Variants in SBF2 observed in about 807,000 individuals in gnomAD.
SBF2 encodes myotubularin-related protein 13.
Under a neutral mutation model 225.2 loss-of-function variants are expected in SBF2, and 112 were observed. The observed-to-expected ratio is 0.50, with a 90% confidence interval of 0.43 to 0.58. SBF2 has a LOEUF of 0.58. Ranked by LOEUF, SBF2 falls within the 20% of genes least tolerant of loss-of-function variation. SBF2 has a pLI of 0.00. For synonymous variants in SBF2, 763 were observed against 773.3 expected, an observed-to-expected ratio of 0.99 and a Z score of 0.22; for missense variants, 1,996 against 2,206.2, an observed-to-expected ratio of 0.90 and a Z score of 1.91.
intron 16 of SBF2, among the ~76,000 whole-genome samples, chr11:9,949,196 C>T (rs1865724678): frequency 6.6e-6 from 1 of 152,018 alleles, no homozygotes; most frequent in African/African-American, 2.4e-5. Flanking sequence ...AAAATAAATG[C>T]TATTGATTTT....
intron 17 of SBF2, among the ~76,000 whole-genome samples, chr11:9,883,188 T>C (rs1410724204): frequency 6.6e-6 from 1 of 152,116 alleles, no homozygotes; most frequent in Non-Finnish European, 1.5e-5. Context: ...ATATCTGGAT[T>C]TTACAACCTG....
intron 16 of SBF2, chr11:9,958,180 G>A (rs1429182389): frequency 6.6e-6 from 1 of 152,064 alleles, no homozygotes. Context: ...GGAAGCAGTG[G>A]TTATGTTTCA....
At chr11:10,291,065 AAC>A (rs1964130567) in intron 1 of SBF2, among the ~76,000 whole-genome samples, 1 of 152,232 alleles carries the variant, frequency 6.6e-6, no homozygotes, top group Admixed American at 6.5e-5. Flanking sequence ...GTACCATAAG[AAC>A]ACAGAAGCCA....
At chr11:10,052,527 C>T (rs958109177) in intron 2 of SBF2, among the ~76,000 whole-genome samples, 7 of 152,130 alleles carry the variant, frequency 4.6e-5, no homozygotes, top group African/African-American at 1.7e-4. Context: ...AATTATACTT[C>T]AAGTTTGCAA....
At chr11:9,971,530 T>C (rs1176183527) in intron 13 of SBF2, among the ~76,000 whole-genome samples, 1 of 151,850 alleles carries the variant, frequency 6.6e-6, no homozygotes, top group Non-Finnish European at 1.5e-5. Flanking sequence ...AAATAAAAAA[T>C]TAGCCAGGCA....
At chr11:10,187,279 C>CCTCTCTCTCTCTCTCTCCT (rs1555069461) in intron 2 of SBF2, among the ~76,000 whole-genome samples, 2 of 150,026 alleles carry the variant, frequency 1.3e-5, no homozygotes, top group Non-Finnish European at 3.0e-5. Context: ...TCCTCTCTCT[C>CCTCTCTCTCTCTCTCTCCT]CTCTCTCTCT....
At chr11:9,971,290 AT>A (rs1449208899) in intron 13 of SBF2, among the ~76,000 whole-genome samples, 2 of 151,790 alleles carry the variant, frequency 1.3e-5, no homozygotes, top group Non-Finnish European at 2.9e-5. Flanking sequence ...TAACACCAGT[AT>A]TTTTTCTAGT....
chr11:9,900,979 C>T (rs971339473), intron 16 of SBF2, among the ~76,000 whole-genome samples: 1 of 152,130 alleles, frequency 6.6e-6, no homozygotes, highest in African/African-American at 2.4e-5. Flanking sequence ...CTTCCTTCTG[C>T]CTCCACCTCT....
intron 17 of SBF2, among the ~76,000 whole-genome samples, chr11:9,873,007 C>T (rs1301975981): frequency 2.0e-5 from 3 of 151,670 alleles, no homozygotes; most frequent in Non-Finnish European, 2.9e-5. Flanking sequence ...GAGATCGAGA[C>T]CTTCCTGGCT....
intron 2 of SBF2, among the ~76,000 whole-genome samples, chr11:10,124,895 A>C (rs960570787): frequency 2.8e-4 from 43 of 152,076 alleles, no homozygotes; most frequent in African/African-American, 1.0e-3. Context: ...ACCTGAGGTC[A>C]GGAGTTGGAG....
chr11:9,973,620 A>G (rs1319734537), intron 13 of SBF2, among the ~76,000 whole-genome samples: 1 of 152,206 alleles, frequency 6.6e-6, no homozygotes, highest in African/African-American at 2.4e-5. Flanking sequence ...TCAGACATGA[A>G]AAAGTGACAT....
At chr11:9,829,334 GA>G in intron 28 of SBF2, 21 bp downstream of exon 28, 1 of 1,613,368 alleles carries the variant, frequency 6.2e-7, no homozygotes, top group Non-Finnish European at 8.5e-7. Flanking sequence ...CTGTCAAGAA[GA>G]AAAGTATTAT....
chr11:9,989,718 A>G (rs1395016912), intron 12 of SBF2, 123 bp from the exon 13 acceptor site: 4 of 643,700 alleles, frequency 6.2e-6, no homozygotes, highest in African/African-American at 1.8e-5. Flanking sequence ...TTAAAACAAA[A>G]TATTTCAGGT....
chr11:10,187,301 T>C (rs1956965642), intron 2 of SBF2, among the ~76,000 whole-genome samples: 1 of 149,580 alleles, frequency 6.7e-6, no homozygotes, highest in Non-Finnish European at 1.5e-5. Context: ...TCTCTCCTTT[T>C]TCTCTCCTCT....
intron 2 of SBF2, among the ~76,000 whole-genome samples, chr11:10,191,061 G>A (rs536648533): frequency 3.3e-5 from 5 of 152,252 alleles, no homozygotes; most frequent in Non-Finnish European, 4.4e-5. Flanking sequence ...CATTATGTAC[G>A]TGAGTTCATC....
intron 2 of SBF2, among the ~76,000 whole-genome samples, chr11:10,173,051 A>T (rs1023583749): frequency 6.6e-6 from 1 of 152,218 alleles, no homozygotes; most frequent in East Asian, 1.9e-4. Flanking sequence ...TATAGTTTCC[A>T]AAATTCCTCT....
intron 17 of SBF2, among the ~76,000 whole-genome samples, chr11:9,861,229 G>GGTA (rs1386445863): frequency 3.9e-5 from 6 of 151,932 alleles, no homozygotes; most frequent in African/African-American, 1.5e-4. Flanking sequence ...TTGGAGACAG[G>GGTA]GTCTCACTCT....
intron 14 of SBF2, among the ~76,000 whole-genome samples, chr11:9,967,971 C>CTCTATATATATATA (rs1260685462): frequency 1.1e-5 from 1 of 91,508 alleles, no homozygotes; most frequent in African/African-American, 3.8e-5. Context: ...CTCTCTCTCT[C>CTCTATATATATATA]TATATATATA....
At chr11:9,808,759 G>C (rs2133897747) in intron 31 of SBF2, 142 bp downstream of exon 31, 1 of 648,712 alleles carries the variant, frequency 1.5e-6, no homozygotes, top group Admixed American at 2.5e-5. Context: ...GTTTTCTGAT[G>C]GATACCAGGT....
Sources: gnomAD v4.1 joint callset for allele counts (sites outside exome capture counted in the v4.1 genomes callset) on GRCh38, gnomAD v4.1.1 for gene constraint, MANE v1.5 for transcripts, NCBI Gene and HGNC (gene_info 2026-07-23, HGNC 2026-07-21) for gene names.